Variants in AHCYL2 observed in about 807,000 individuals in gnomAD.
AHCYL2 encodes S-adenosylhomocysteine hydrolase-like protein 2.
AHCYL2 carries 28 observed loss-of-function variants against 81.4 expected under a neutral mutation model. The observed-to-expected ratio is 0.34, with a 90% confidence interval of 0.25 to 0.47. The LOEUF (loss-of-function observed/expected upper bound fraction) is 0.47. AHCYL2 is among the 20% of genes least tolerant of loss of function. The probability of loss-of-function intolerance (pLI) is 1.00; values close to 1 mark genes in which losing one functional copy is unlikely to be tolerated. For missense variants in AHCYL2, 551 were observed against 785.1 expected, an observed-to-expected ratio of 0.70 and a Z score of 3.56; for synonymous variants, 272 against 290.2, an observed-to-expected ratio of 0.94 and a Z score of 0.64.
intron 7 of AHCYL2, among the ~76,000 whole-genome samples, chr7:129,403,965 G>C (rs1023518378): frequency 1.3e-5 from 2 of 148,364 alleles, no homozygotes; most frequent in East Asian, 1.9e-4. Flanking sequence ...TATGAGGTGA[G>C]CAGATCTCTC....
At chr7:129,351,601 C>T (rs1369471104) in intron 1 of AHCYL2, 1 of 152,240 alleles carries the variant, frequency 6.6e-6, no homozygotes, top group Non-Finnish European at 1.5e-5. Flanking sequence ...AAGATTGGGT[C>T]TTGCAAAATT....
chr7:129,323,710 T>TTTGG (rs1389759335), intron 1 of AHCYL2, among the ~76,000 whole-genome samples: 1 of 152,224 alleles, frequency 6.6e-6, no homozygotes, highest in Non-Finnish European at 1.5e-5. Flanking sequence ...TTTGTCAGTG[T>TTTGG]TTGCTTCATG....
intron 1 of AHCYL2, among the ~76,000 whole-genome samples, chr7:129,349,879 A>G (rs1793496479): frequency 1.3e-5 from 2 of 152,330 alleles, no homozygotes; most frequent in South Asian, 4.2e-4. Flanking sequence ...GTAGTTCTAC[A>G]CTAATAAAAA....
At chr7:129,233,580 C>T (rs1042276345) in intron 1 of AHCYL2, among the ~76,000 whole-genome samples, 5 of 152,054 alleles carry the variant, frequency 3.3e-5, no homozygotes, top group East Asian at 1.9e-4. Flanking sequence ...CTCCGCCTCC[C>T]GGGTTCAAGC....
intron 1 of AHCYL2, among the ~76,000 whole-genome samples, chr7:129,357,814 G>A (rs1429512049): frequency 6.6e-6 from 1 of 151,582 alleles, no homozygotes; most frequent in Non-Finnish European, 1.5e-5. Context: ...GGCGCCTGTA[G>A]TCCCAGCTAC....
chr7:129,253,969 T>A (rs1295904273), intron 1 of AHCYL2, among the ~76,000 whole-genome samples: 1 of 152,224 alleles, frequency 6.6e-6, no homozygotes, highest in Non-Finnish European at 1.5e-5. Flanking sequence ...GGTAAAAAGC[T>A]GAACTTGAAT....
chr7:129,373,081 A>T (rs1794490689), intron 1 of AHCYL2, among the ~76,000 whole-genome samples: 1 of 152,184 alleles, frequency 6.6e-6, no homozygotes, highest in Non-Finnish European at 1.5e-5. Flanking sequence ...CTTCAACCAG[A>T]GAATTGGAAG....
At chr7:129,230,784 G>T (rs1476199311) in intron 1 of AHCYL2, among the ~76,000 whole-genome samples, 2 of 150,836 alleles carry the variant, frequency 1.3e-5, no homozygotes, top group African/African-American at 2.4e-5. Context: ...TATTGTCTAG[G>T]CTGGTCGTGA....
In AHCYL2 at chr7:129,405,248, G is replaced by A. The variant is rs561986294; in HGVS notation, c.1142+35G>A. 114 of 1,494,834 alleles carry A rather than the reference G, an allele frequency of 7.6e-5. No individual in the cohort carries two copies. The East Asian group carries it at 2.2e-3, about 29-fold the overall frequency. 92.6% of individuals were successfully genotyped at this position (1,494,834 alleles called of 1,614,324 possible). A position where few individuals can be genotyped will look rare whatever the true frequency, so the allele number is the denominator to read the frequency against. On this transcript the variant is annotated intron_variant, in intron 8 of 16. Coordinates refer to ENST00000325006, the MANE Select transcript of AHCYL2 (RefSeq NM_015328.4). ...ATTATCTTTGAGATGAAGTTGTGAT[G>A]TCCAGTTGAGATTCTAAGTTTTTTG...
At chr7:129,263,137 G>T (rs913202834) in intron 1 of AHCYL2, among the ~76,000 whole-genome samples, 4 of 152,128 alleles carry the variant, frequency 2.6e-5, no homozygotes, top group African/African-American at 7.2e-5. Context: ...CTGTTATGTT[G>T]TGGTTACAAA....
chr7:129,292,945 A>G (rs933997302), intron 1 of AHCYL2, among the ~76,000 whole-genome samples: 1 of 152,180 alleles, frequency 6.6e-6, no homozygotes, highest in Non-Finnish European at 1.5e-5. Context: ...TAAGAGGAGT[A>G]AAGAATAAAA....
chr7:129,344,104 A>C (rs1793280123), intron 1 of AHCYL2, among the ~76,000 whole-genome samples: 1 of 152,204 alleles, frequency 6.6e-6, no homozygotes, highest in Non-Finnish European at 1.5e-5. Context: ...AGAATGGCTA[A>C]AATTAAAAAG....
Position 129,225,251 on chromosome 7 carries a change from CG to C in AHCYL2, c.177del (p.Pro61ArgfsTer26). On this transcript the variant is annotated frameshift_variant, in exon 1 of 17. Transcript: ENST00000325006. LOFTEE classifies it high-confidence loss of function. ...DPEAPAPAAE[R>X]PPVPGPGSGP... The stretch of plus-strand genomic sequence containing the variant: ...TGAGGCTCCAGCTCCCGCCGCGGAG[CG>C]GCCCCCGGTCCCCGGCCCGGGCTCG... 6.8e-7 allele frequency: 1 copy of C among 1,462,074 alleles called. No individual in the cohort carries two copies. 90.6% of individuals were successfully genotyped at this position (1,462,074 alleles called of 1,614,324 possible). A position where few individuals can be genotyped will look rare whatever the true frequency, so the allele number is the denominator to read the frequency against.
At chr7:129,299,377 T>G (rs1186699649) in intron 1 of AHCYL2, among the ~76,000 whole-genome samples, 10 of 25,348 alleles carry the variant, frequency 3.9e-4, no homozygotes, top group East Asian at 2.5e-3. Context: ...TTGTTTTTTT[T>G]TTTTTTTTTT....
At chr7:129,258,943 G>C (rs1321089966) in intron 1 of AHCYL2, among the ~76,000 whole-genome samples, 2 of 152,150 alleles carry the variant, frequency 1.3e-5, no homozygotes, top group Non-Finnish European at 2.9e-5. Context: ...TCTACAACTA[G>C]AGCTGAGTAG....
chr7:129,267,588 AGCCACTGC>A (rs1483684462), intron 1 of AHCYL2, among the ~76,000 whole-genome samples: 1 of 152,152 alleles, frequency 6.6e-6, no homozygotes, highest in African/African-American at 2.4e-5. Context: ...TAGAAGCATG[AGCCACTGC>A]GCCCCTCCCC....
intron 1 of AHCYL2, among the ~76,000 whole-genome samples, chr7:129,287,383 C>G (rs1796674979): frequency 6.6e-6 from 1 of 152,178 alleles, no homozygotes. Context: ...GCAGATTTTT[C>G]CTTGTGTTTA....
chr7:129,398,330 T>C (rs1795843815), intron 5 of AHCYL2, among the ~76,000 whole-genome samples: 2 of 149,538 alleles, frequency 1.3e-5, no homozygotes, highest in South Asian at 2.1e-4. Context: ...TTTCTGTTTT[T>C]TTTTTTAAAT....
intron 1 of AHCYL2, among the ~76,000 whole-genome samples, chr7:129,284,620 G>C (rs978965154): frequency 7.2e-6 from 1 of 138,152 alleles, no homozygotes; most frequent in African/African-American, 2.7e-5. Flanking sequence ...AAAAAAAAAA[G>C]CTTGGAATAG....
Sources: gnomAD v4.1 joint callset for allele counts (sites outside exome capture counted in the v4.1 genomes callset) on GRCh38, gnomAD v4.1.1 for gene constraint, MANE v1.5 for transcripts, NCBI Gene and HGNC (gene_info 2026-07-23, HGNC 2026-07-21) for gene names.